Variants in CTNNBIP1 observed in about 807,000 individuals in gnomAD.
The protein encoded by CTNNBIP1 is beta-catenin-interacting protein 1.
Under a neutral mutation model 11.8 loss-of-function variants are expected in CTNNBIP1, and 7 were observed. The ratio of observed to expected loss-of-function variants is 0.60; its 90% CI spans 0.34 to 1.12. The LOEUF (loss-of-function observed/expected upper bound fraction) is 1.12, where lower values mean the gene tolerates loss of function less well. CTNNBIP1 is among the 50% of genes most tolerant of loss of function. The pLI, the probability that CTNNBIP1 is intolerant of heterozygous loss-of-function variation, is 0.03. For missense variants in CTNNBIP1, 101 were observed against 113.4 expected, an observed-to-expected ratio of 0.89 and a Z score of 0.50; for synonymous variants, 58 against 43.9, an observed-to-expected ratio of 1.32 and a Z score of -1.26.
chr1:9,886,615 T>C (rs1639192129), intron 1 of CTNNBIP1, among the ~76,000 whole-genome samples: 1 of 152,234 alleles, frequency 6.6e-6, no homozygotes, highest in Non-Finnish European at 1.5e-5. Flanking sequence ...ATAACTCACC[T>C]GTCATGGCCC....
chr1:9,875,695 T>A (rs1570577579), intron 3 of CTNNBIP1, among the ~76,000 whole-genome samples: 2 of 152,338 alleles, frequency 1.3e-5, no homozygotes, highest in South Asian at 4.1e-4. Flanking sequence ...TCATGGAGAA[T>A]TCTTCCAGCT....
At position 9,855,253 on chromosome 1, in the gene CTNNBIP1, G is replaced by GT. The variant is rs1173335929; in HGVS notation, c.188-4478_188-4477insA. Among the ~76,000 whole-genome samples, 271 of 130,836 alleles carry GT rather than the reference G, an allele frequency of 2.1e-3. 2 individuals carry two copies. The highest frequency in any genetic ancestry group is 7.8e-3 in the African/African-American group (248 of 31,750). 85.8% of individuals were successfully genotyped at this position (130,836 alleles called of 152,430 possible). On this transcript the variant is annotated intron_variant, in intron 5 of 5. Coordinates refer to ENST00000377263, the MANE Select transcript of CTNNBIP1 (RefSeq NM_020248.3). ...CTTTCTTGGGGAGTTTGTAAAAATTGCCTTTTTTTTTTTTTTTTTTGTAGA... is the reference window on the plus strand; with the variant it reads ...CTTTCTTGGGGAGTTTGTAAAAATTGTCCTTTTTTTTTTTTTTTTTTGTAGA...
chr1:9,857,311 T>A (rs376824700), intron 5 of CTNNBIP1, among the ~76,000 whole-genome samples: 1 of 150,560 alleles, frequency 6.6e-6, no homozygotes, highest in Non-Finnish European at 1.5e-5. Flanking sequence ...AAACCCTGTC[T>A]TTACTAAAAA....
chr1:9,894,163 C>T (rs1274497925), intron 1 of CTNNBIP1, among the ~76,000 whole-genome samples: 3 of 152,206 alleles, frequency 2.0e-5, no homozygotes, highest in African/African-American at 7.2e-5. Context: ...CCACTGTTCA[C>T]ATTTTGCTAT....
intron 5 of CTNNBIP1, among the ~76,000 whole-genome samples, 157 bp from the exon 6 acceptor site, chr1:9,850,933 G>C (rs1638371955): frequency 6.6e-6 from 1 of 152,198 alleles, no homozygotes; most frequent in Non-Finnish European, 1.5e-5. Flanking sequence ...CCTCCCCTCT[G>C]GTCTTCCCTG....
At chr1:9,870,277 C>T (rs1209013101) in intron 5 of CTNNBIP1, among the ~76,000 whole-genome samples, 7 of 152,244 alleles carry the variant, frequency 4.6e-5, no homozygotes, top group Admixed American at 4.6e-4. Context: ...ATCATTCCAA[C>T]AAAGCATAAA....
In CTNNBIP1 at chr1:9,864,530, A is replaced by T. The variant is rs13376051; in HGVS notation, c.187+6657T>A. 7.9e-5 allele frequency among the ~76,000 whole-genome samples: 12 copies of T among 152,226 alleles called. 1 individual carries two copies. Among genetic ancestry groups the T allele is most frequent in the South Asian group, 4.2e-4 (2 of 4,816 alleles). The stretch of plus-strand genomic sequence containing the variant: ...TTTTTAGTAGAGACGGAGTTTCACC[A>T]TGTTAGCCAGGATGGTCTCAATCTC... On this transcript the variant is annotated intron_variant, in intron 5 of 5. Transcript: ENST00000377263.
intron 2 of CTNNBIP1, among the ~76,000 whole-genome samples, chr1:9,878,621 T>C (rs1639019941): frequency 6.6e-6 from 1 of 152,348 alleles, no homozygotes; most frequent in Admixed American, 6.5e-5. Context: ...AACACTGCCT[T>C]CTTTTCTTCT....
chr1:9,881,731 C>G (rs1639087542), intron 2 of CTNNBIP1, among the ~76,000 whole-genome samples: 1 of 152,116 alleles, frequency 6.6e-6, no homozygotes, highest in Non-Finnish European at 1.5e-5. Flanking sequence ...AAAAGAAGGT[C>G]AAGATGCTTC....
intron 1 of CTNNBIP1, among the ~76,000 whole-genome samples, chr1:9,900,399 A>G (rs1453749354): frequency 6.6e-6 from 1 of 152,156 alleles, no homozygotes; most frequent in Non-Finnish European, 1.5e-5. Flanking sequence ...TTTTAAATGA[A>G]GTGGAATGCG....
intron 5 of CTNNBIP1, among the ~76,000 whole-genome samples, chr1:9,853,414 G>T (rs897480753): frequency 1.3e-5 from 2 of 152,220 alleles, no homozygotes; most frequent in Non-Finnish European, 2.9e-5. Flanking sequence ...TGAAATTTGG[G>T]CCAGTTACCG....
intron 1 of CTNNBIP1, among the ~76,000 whole-genome samples, chr1:9,903,674 C>T (rs1257053348): frequency 6.6e-6 from 1 of 152,174 alleles, no homozygotes; most frequent in Non-Finnish European, 1.5e-5. Flanking sequence ...GTATCATTAT[C>T]CCCATTTACA....
chr1:9,870,857 G>A (rs927372910), intron 5 of CTNNBIP1, among the ~76,000 whole-genome samples: 1 of 152,186 alleles, frequency 6.6e-6, no homozygotes, highest in Admixed American at 6.5e-5. Flanking sequence ...CAGGCCAAAG[G>A]TTAAAGAAAT....
intron 2 of CTNNBIP1, among the ~76,000 whole-genome samples, chr1:9,881,249 G>C (rs1301017626): frequency 6.7e-6 from 1 of 150,224 alleles, no homozygotes; most frequent in Admixed American, 6.6e-5. Context: ...TGCCCAGGGT[G>C]GTCTTGAACT....
chr1:9,907,191 G>T (rs1639635232), intron 1 of CTNNBIP1, among the ~76,000 whole-genome samples: 1 of 152,088 alleles, frequency 6.6e-6, no homozygotes, highest in African/African-American at 2.4e-5. Flanking sequence ...TTGTTTTTGA[G>T]ACAGAGTCTT....
At chr1:9,850,851 C>T (rs1049125432) in intron 5 of CTNNBIP1, 75 bp from the exon 6 acceptor site, 7 of 1,427,324 alleles carry the variant, frequency 4.9e-6, no homozygotes, top group Middle Eastern at 1.8e-4. Context: ...AAGGAGGCTG[C>T]GGCCAAGCTG....
rs562183515 is a variant in CTNNBIP1 at position 9,903,095 on chromosome 1, C to T, written c.-144+7000G>A. 4.6e-5 allele frequency among the ~76,000 whole-genome samples: 7 copies of T among 152,202 alleles called. No homozygotes were observed. In the East Asian group the frequency reaches 1.4e-3, roughly 29 times the overall value. ...ATAACTATTTTTGTCCTGCTTGCCACGATATTCCTAGTACCTATGATGGTG... is the reference window on the plus strand; with the variant it reads ...ATAACTATTTTTGTCCTGCTTGCCATGATATTCCTAGTACCTATGATGGTG... On this transcript the variant is annotated intron_variant, in intron 1 of 5. Coordinates refer to ENST00000377263, the MANE Select transcript of CTNNBIP1 (RefSeq NM_020248.3).
In CTNNBIP1 at chr1:9,876,146, T is replaced by C. The variant is rs942294792; in HGVS notation, c.-25+1759A>G. On this transcript the variant is annotated intron_variant, in intron 3 of 5. Transcript: ENST00000377263. ...AAAACTGCAACTAAATTAGACACAC[T>C]AATTATTCATCCAGTCCTTGAACGT... 5.0e-4 allele frequency among the ~76,000 whole-genome samples: 76 copies of C among 152,210 alleles called. 1 individual carries two copies. The highest frequency in any genetic ancestry group is 2.6e-4 in the Admixed American group (4 of 15,272).
chr1:9,871,128 C>T lies in CTNNBIP1; in HGVS notation c.187+59G>A, dbSNP rs1183371456. ...CTGGAGCTACGCTTTCTAAGGGAAC[C>T]ACAAGTCGGTGCCCCTGGGACTTGT... On this transcript the variant is annotated intron_variant, in intron 5 of 5. Transcript: ENST00000377263. The surrounding 1 kb of genome is among the most constrained non-coding windows in gnomAD (Gnocchi z 5.2). 1.5e-6 allele frequency: 2 copies of T among 1,322,370 alleles called. No individual in the cohort carries two copies. Among genetic ancestry groups the T allele is most frequent in the East Asian group, 2.5e-5 (1 of 39,792 alleles). The allele number at this position is 1,322,370 out of a possible 1,614,324, so 81.9% of individuals were successfully genotyped here.
Sources: gnomAD v4.1 joint callset for allele counts (sites outside exome capture counted in the v4.1 genomes callset) on GRCh38, gnomAD v4.1.1 for gene constraint, Gnocchi (gnomAD v3.1) non-coding constraint, MANE v1.5 for transcripts, NCBI Gene and HGNC (gene_info 2026-07-23, HGNC 2026-07-21) for gene names.